DAB1: variants seen among roughly 807,000 people sequenced by gnomAD.
DAB1 encodes the protein DAB adaptor protein 1.
Under a neutral mutation model 64.6 loss-of-function variants are expected in DAB1, and 15 were observed. The observed-to-expected ratio is 0.23, with a 90% CI of 0.16 to 0.36. The LOEUF is 0.36. Among genes scored for constraint, DAB1 ranks in the 10% least tolerant of loss-of-function variants. DAB1 has a pLI of 1.00. For missense variants in DAB1, 596 were observed against 706.7 expected, an observed-to-expected ratio of 0.84 and a Z score of 1.78; for synonymous variants, 235 against 251.9, an observed-to-expected ratio of 0.93 and a Z score of 0.64.
chr1:57,160,055 C>A (rs10889029), intron 2 of DAB1, among the ~76,000 whole-genome samples: 7 of 151,872 alleles, frequency 4.6e-5, no homozygotes, highest in Non-Finnish European at 1.0e-4. Flanking sequence ...CTTGCTTACC[C>A]ACAGCCTAAG....
At chr1:58,433,587 GAGAGAGAGAGTGT>G (rs1644904154) in intron 3 of DAB1, among the ~76,000 whole-genome samples, 1 of 119,068 alleles carries the variant, frequency 8.4e-6, no homozygotes, top group African/African-American at 4.1e-5. Context: ...GAGAGAGAGA[GAGAGAGAGAGTGT>G]GTGTGTGTGT....
intron 3 of DAB1, among the ~76,000 whole-genome samples, chr1:58,427,211 G>A (rs1219690098): frequency 1.3e-5 from 2 of 152,040 alleles, no homozygotes; most frequent in Non-Finnish European, 2.9e-5. Context: ...TGAATGAGAT[G>A]AGAAGAGATG....
At chr1:57,933,080 G>C (rs1257638316) in intron 5 of DAB1, among the ~76,000 whole-genome samples, 1 of 152,170 alleles carries the variant, frequency 6.6e-6, no homozygotes, top group African/African-American at 2.4e-5. Context: ...ACCAGGCAGA[G>C]TTATTAGAGA....
intron 1 of DAB1, among the ~76,000 whole-genome samples, chr1:57,872,999 GC>G (rs1643979158): frequency 1.3e-5 from 2 of 152,072 alleles, no homozygotes; most frequent in Non-Finnish European, 2.9e-5. Context: ...CAAGAACTGA[GC>G]CCCCTGTTCT....
At chr1:58,205,730 C>T (rs1210649581) in intron 4 of DAB1, among the ~76,000 whole-genome samples, 2 of 152,118 alleles carry the variant, frequency 1.3e-5, no homozygotes, top group East Asian at 1.9e-4. Flanking sequence ...ATGATGAATG[C>T]GCCAGCAAAC....
Position 57,115,345 on chromosome 1 carries a change from G to A in DAB1, c.306+21198C>T, listed in dbSNP as rs866646030. Among the ~76,000 whole-genome samples the A allele has an allele frequency of 2.6e-5, 4 of 152,160 alleles. No individual in the cohort carries two copies. In the South Asian group the frequency reaches 8.3e-4, roughly 32 times the overall value. The stretch of plus-strand genomic sequence containing the variant: ...TTAGAAATGTTCTGGGGATTATAAA[G>A]TACTTAGCATGGGGTTGTCACAGAG... On this transcript the variant is annotated intron_variant, in intron 4 of 14. Coordinates refer to ENST00000371236, the MANE Select transcript of DAB1 (RefSeq NM_001365792.1).
chr1:58,212,779 G>C (rs959385924), intron 4 of DAB1, among the ~76,000 whole-genome samples: 3 of 152,126 alleles, frequency 2.0e-5, no homozygotes, highest in Admixed American at 2.0e-4. Flanking sequence ...GAGTGAACCA[G>C]GGTACATTTT....
chr1:57,831,073 T>C (rs1186212505), intron 1 of DAB1, among the ~76,000 whole-genome samples: 2 of 152,084 alleles, frequency 1.3e-5, no homozygotes, highest in Non-Finnish European at 2.9e-5. Context: ...GCCACCATGC[T>C]GGCTAATTTT....
intron 5 of DAB1, among the ~76,000 whole-genome samples, chr1:58,056,796 C>T (rs1272318333): frequency 6.6e-6 from 1 of 151,412 alleles, no homozygotes; most frequent in East Asian, 1.9e-4. Context: ...GGCTTCCTCC[C>T]TTTGTAGTCA....
intron 7 of DAB1, among the ~76,000 whole-genome samples, chr1:57,510,729 ATC>A (rs1308286359): frequency 6.6e-6 from 1 of 151,904 alleles, no homozygotes; most frequent in Non-Finnish European, 1.5e-5. Flanking sequence ...CCCCAATTTA[ATC>A]TCTTATCAAG....
intron 7 of DAB1, among the ~76,000 whole-genome samples, chr1:57,439,979 A>G (rs1009953972): frequency 1.3e-5 from 2 of 152,264 alleles, no homozygotes; most frequent in Admixed American, 6.5e-5. Flanking sequence ...CCAAAAACAT[A>G]CTATTATATG....
At chr1:57,521,582 T>G (rs1385215197) in intron 7 of DAB1, among the ~76,000 whole-genome samples, 1 of 152,136 alleles carries the variant, frequency 6.6e-6, no homozygotes, top group Non-Finnish European at 1.5e-5. Flanking sequence ...GGCTTTCAGG[T>G]AAACTTAATG....
At chr1:57,600,493 G>C (rs144346508) in intron 7 of DAB1, among the ~76,000 whole-genome samples, 39 of 152,214 alleles carry the variant, frequency 2.6e-4, no homozygotes, top group South Asian at 1.5e-3. Flanking sequence ...GGGAGCAAGG[G>C]TACCATAGCC....
chr1:58,316,505 T>G (rs1483206323), intron 4 of DAB1, among the ~76,000 whole-genome samples: 1 of 152,032 alleles, frequency 6.6e-6, no homozygotes, highest in African/African-American at 2.4e-5. Context: ...TCTGCCCTTG[T>G]GGTGCTCAAA....
chr1:57,365,066 A>G (rs1258933364), intron 1 of DAB1, among the ~76,000 whole-genome samples: 1 of 140,982 alleles, frequency 7.1e-6, no homozygotes, highest in Non-Finnish European at 1.5e-5. Context: ...GCTATCATAG[A>G]CTTTATATAT....
At chr1:57,720,706 G>A (rs1226763839) in intron 6 of DAB1, among the ~76,000 whole-genome samples, 1 of 152,184 alleles carries the variant, frequency 6.6e-6, no homozygotes, top group African/African-American at 2.4e-5. Context: ...ACATAAATAG[G>A]AGGTTTATTT....
At chr1:58,181,672 TAA>T (rs915362068) in intron 4 of DAB1, among the ~76,000 whole-genome samples, 10 of 152,132 alleles carry the variant, frequency 6.6e-5, no homozygotes, top group South Asian at 4.1e-4. Context: ...AGATTAATAC[TAA>T]GTTACTTCTA....
At chr1:57,992,457 AG>A (rs1277604711) in intron 5 of DAB1, among the ~76,000 whole-genome samples, 1 of 152,100 alleles carries the variant, frequency 6.6e-6, no homozygotes, top group African/African-American at 2.4e-5. Context: ...AAGATGAGGT[AG>A]AAAATATAAT....
At chr1:57,904,547 G>A (rs1644522184) in intron 5 of DAB1, among the ~76,000 whole-genome samples, 1 of 152,170 alleles carries the variant, frequency 6.6e-6, no homozygotes, top group Non-Finnish European at 1.5e-5. Flanking sequence ...AAAATAAAGA[G>A]GAAGAGTAAT....
Sources: gnomAD v4.1 joint callset for allele counts (sites outside exome capture counted in the v4.1 genomes callset) on GRCh38, gnomAD v4.1.1 for gene constraint, MANE v1.5 for transcripts, NCBI Gene and HGNC (gene_info 2026-07-23, HGNC 2026-07-21) for gene names.